The following GAD2 variants were observed in gnomAD, a reference collection of about 807,000 sequenced individuals.
GAD2 encodes 65 kDa glutamic acid decarboxylase.
In GAD2, 22 loss-of-function variants were observed where a neutral mutation model predicts 80.1. The observed-to-expected ratio is 0.27, with a 90% CI of 0.20 to 0.39. The LOEUF (loss-of-function observed/expected upper bound fraction) is 0.39, where lower values mean the gene tolerates loss of function less well. Among genes scored for constraint, GAD2 ranks in the 10% least tolerant of loss-of-function variants. GAD2 has a pLI of 1.00. For missense variants in GAD2, 624 were observed against 738.4 expected (o/e 0.85, Z 1.80); for synonymous variants, 274 against 256.9 (o/e 1.07, Z -0.64).
intron 15 of GAD2, among the ~76,000 whole-genome samples, 181 bp downstream of exon 15, chr10:26,293,172 CTTTTTTTT>C (rs987030977): frequency 1.0e-5 from 1 of 96,452 alleles, no homozygotes; most frequent in African/African-American, 4.2e-5. Context: ...CATTTTTCTT[CTTTTTTTT>C]TTTTTTTTTT....
At chr10:26,262,665 C>T (rs1185759317) in intron 8 of GAD2, among the ~76,000 whole-genome samples, 1 of 152,174 alleles carries the variant, frequency 6.6e-6, no homozygotes, top group Admixed American at 6.5e-5. Flanking sequence ...CAGAAGCACT[C>T]AGAGCTATAC....
chr10:26,237,638 T>C (rs1844691434), intron 7 of GAD2, among the ~76,000 whole-genome samples: 1 of 152,106 alleles, frequency 6.6e-6, no homozygotes, highest in Non-Finnish European at 1.5e-5. Flanking sequence ...ATCCACAGCC[T>C]TGGGAGAGTC....
Position 26,300,881 on chromosome 10 carries a change from G to C in GAD2, c.1678G>C (p.Val560Leu). 6.2e-7 allele frequency: 1 copy of C among 1,613,808 alleles called. No individual in the cohort carries two copies. Among genetic ancestry groups the C allele is most frequent in the Non-Finnish European group, 8.5e-7 (1 of 1,179,838 alleles). The change falls in exon 16 of 16, where the codon GTC (valine) becomes CTC (leucine). Residue 560 changes from valine to leucine, a missense_variant. Physicochemically the swap from Val to Leu is conservative, Grantham distance 32 (BLOSUM62 1). Transcript: ENST00000376261. ...AGACAAGGTCAATTTCTTCCGCATGGTCATCTCAAACCCAGCGGCAACTCA... is the reference window on the plus strand; with the variant it reads ...AGACAAGGTCAATTTCTTCCGCATGCTCATCTCAAACCCAGCGGCAACTCA... Reference protein sequence around the residue: ...LGDKVNFFRMVISNPAATHQD... With the variant: ...LGDKVNFFRMLISNPAATHQD...
Position 26,273,674 on chromosome 10 carries a change from C to G in GAD2, c.1131C>G (p.His377Gln). The change falls in exon 11 of 16, where the codon CAC (histidine) becomes CAG (glutamine). Residue 377 changes from histidine to glutamine, a missense_variant. Transcript: ENST00000376261. ...GGGGATTACTGATGTCCCGAAAACA[C>G]AAGTGGAAACTGAGTGGCGTGGAGA... ...WGGGLLMSRKHKWKLSGVERA... is the reference protein window; with the variant it reads ...WGGGLLMSRKQKWKLSGVERA... The G allele has an allele frequency of 6.2e-7, 1 of 1,613,638 alleles. No individual in the cohort carries two copies. Among genetic ancestry groups the G allele is most frequent in the Non-Finnish European group, 8.5e-7 (1 of 1,179,856 alleles).
chr10:26,269,994 C>G (rs1282358881), intron 9 of GAD2, among the ~76,000 whole-genome samples: 1 of 152,162 alleles, frequency 6.6e-6, no homozygotes, highest in African/African-American at 2.4e-5. Flanking sequence ...ATAGACAGGA[C>G]AGAGTCCTTA....
intron 7 of GAD2, among the ~76,000 whole-genome samples, chr10:26,238,005 G>GACACACACACACAC (rs58551669): frequency 8.5e-6 from 1 of 118,244 alleles, no homozygotes; most frequent in Admixed American, 8.1e-5. Context: ...CCATCACACA[G>GACACACACACACAC]ACACACACAC....
At chr10:26,264,312 C>CTTTTTTT (rs373732623) in intron 8 of GAD2, among the ~76,000 whole-genome samples, 1 of 129,776 alleles carries the variant, frequency 7.7e-6, no homozygotes, top group Non-Finnish European at 1.6e-5. Context: ...AGATTTCAAG[C>CTTTTTTT]TTTTTTTTTT....
At chr10:26,216,739 G>T (rs1844375975), upstream of GAD2, 3 of 1,379,436 alleles carry the variant, frequency 2.2e-6, no homozygotes, top group South Asian at 2.5e-5. The surrounding 1 kb of genome is among the most constrained non-coding windows in gnomAD (Gnocchi z 4.7). Flanking sequence ...GCACGCGCGC[G>T]CAGGGCCAAG....
chr10:26,264,531 C>T (rs376331963), intron 8 of GAD2, among the ~76,000 whole-genome samples: 2 of 151,996 alleles, frequency 1.3e-5, no homozygotes, highest in South Asian at 2.1e-4. Flanking sequence ...AGGATGGTCT[C>T]GATCTCCTGA....
chr10:26,224,851 G>A (rs11014999), intron 6 of GAD2, 200 bp downstream of exon 6: 4 of 540,100 alleles, frequency 7.4e-6, no homozygotes, highest in Non-Finnish European at 1.3e-5. Flanking sequence ...TTGAACATCA[G>A]TTATTTGTGT....
chr10:26,224,695 G>T, intron 6 of GAD2, 44 bp downstream of exon 6: 1 of 1,363,110 alleles, frequency 7.3e-7, no homozygotes, highest in Non-Finnish European at 1.1e-6. Flanking sequence ...CTTCTAATAT[G>T]CAATGCCTTG....
intron 8 of GAD2, among the ~76,000 whole-genome samples, chr10:26,266,099 C>G (rs756253982): frequency 6.6e-6 from 1 of 152,218 alleles, no homozygotes; most frequent in Non-Finnish European, 1.5e-5. Flanking sequence ...GACTGATGAA[C>G]ATGCAAATTC....
chr10:26,219,155 T>G lies in GAD2; in HGVS notation c.399T>G (p.Ile133Met). Residue 133 changes from isoleucine (I) to methionine (M), a missense_variant, in exon 4 of 16, where the codon ATT (isoleucine) becomes ATG (methionine). By Grantham distance (10) the Ile-to-Met change is conservative. Coordinates refer to ENST00000376261, the MANE Select transcript of GAD2 (RefSeq NM_001134366.2). ...VKSFDRSTKV[I>M]DFHYPNELLQ... is the part of the protein sequence containing the mutation. Reference sequence around the variant, plus strand: ...GTTTCGATAGATCAACCAAAGTGATTGATTTCCATTATCCTAATGAGCTTC... The same window carrying G: ...GTTTCGATAGATCAACCAAAGTGATGGATTTCCATTATCCTAATGAGCTTC... The G allele has an allele frequency of 6.2e-7, 1 of 1,613,924 alleles. No homozygotes were observed. Among genetic ancestry groups the G allele is most frequent in the Non-Finnish European group, 8.5e-7 (1 of 1,179,946 alleles).
At chr10:26,275,971 T>A (rs973587833) in intron 11 of GAD2, among the ~76,000 whole-genome samples, 7 of 151,906 alleles carry the variant, frequency 4.6e-5, no homozygotes, top group Non-Finnish European at 2.9e-5. Flanking sequence ...GGTAACAGAG[T>A]GAGACTCCAT....
At chr10:26,262,292 TA>T (rs1296328971) in intron 8 of GAD2, among the ~76,000 whole-genome samples, 4 of 151,178 alleles carry the variant, frequency 2.6e-5, no homozygotes, top group African/African-American at 9.7e-5. Context: ...TCAATTTTTC[TA>T]TATATTATTG....
chr10:26,226,588 G>T (rs1844529324), intron 6 of GAD2, among the ~76,000 whole-genome samples: 2 of 152,160 alleles, frequency 1.3e-5, no homozygotes, highest in African/African-American at 4.8e-5. Context: ...GCTATTCCCG[G>T]GAGCAACCAG....
At chr10:26,289,426 A>T (rs985779724) in intron 13 of GAD2, among the ~76,000 whole-genome samples, 2 of 152,190 alleles carry the variant, frequency 1.3e-5, no homozygotes, top group Non-Finnish European at 2.9e-5. Flanking sequence ...AAATAGCCTA[A>T]GTATAAATTA....
rs8190700 is a variant in GAD2, at chr10:26,261,434, G to A, written c.921-7685G>A. The stretch of plus-strand genomic sequence containing the variant: ...AAAATGAGTTTGGAAGTATTTCTTC[G>A]TTTTCAACTACATGGAAGAAGTTGA... On this transcript the variant is annotated intron_variant, in intron 8 of 15. Coordinates refer to ENST00000376261, the MANE Select transcript of GAD2 (RefSeq NM_001134366.2). 1.1e-4 allele frequency among the ~76,000 whole-genome samples: 17 copies of A among 151,946 alleles called. No individual in the cohort carries two copies. The South Asian group carries it at 1.9e-3, about 17-fold the overall frequency.
intron 7 of GAD2, 74 bp from the exon 8 acceptor site, chr10:26,245,845 CAG>C (rs1844802300): frequency 1.7e-6 from 2 of 1,186,412 alleles, no homozygotes; most frequent in Admixed American, 4.0e-5. Flanking sequence ...AAAAGGAAAA[CAG>C]AAAACAAACA....
Sources: allele counts gnomAD v4.1 joint callset (sites outside exome capture counted in the v4.1 genomes callset), GRCh38; gene constraint gnomAD v4.1.1; non-coding constraint Gnocchi (gnomAD v3.1); transcripts MANE v1.5; gene names NCBI Gene and HGNC (gene_info 2026-07-23, HGNC 2026-07-21).